Variants in FOXP1 observed in about 807,000 individuals in gnomAD.
The protein encoded by FOXP1 is forkhead box protein P1.
FOXP1 carries 15 observed loss-of-function variants against 98.2 expected under a neutral mutation model. The ratio of observed to expected loss-of-function variants is 0.15; its 90% CI spans 0.10 to 0.24. The LOEUF is 0.24. Ranked by LOEUF, FOXP1 falls within the 10% of genes least tolerant of loss-of-function variation. The pLI, the probability that FOXP1 is intolerant of heterozygous loss-of-function variation, is 1.00. For synonymous variants in FOXP1, 371 were observed against 314.5 expected (o/e 1.18, Z -1.90); for missense variants, 633 against 848.5 (o/e 0.75, Z 3.15).
intron 4 of FOXP1, among the ~76,000 whole-genome samples, chr3:71,341,544 G>A (rs2077007138): frequency 2.0e-5 from 3 of 152,012 alleles, no homozygotes; most frequent in Non-Finnish European, 2.9e-5. Flanking sequence ...AGAGGCGGGT[G>A]GATCACCTGA....
chr3:71,206,074 A>G (rs2064012675), intron 5 of FOXP1, among the ~76,000 whole-genome samples: 1 of 152,230 alleles, frequency 6.6e-6, no homozygotes, highest in South Asian at 2.1e-4. Context: ...AATAATAAAT[A>G]AATACATCTT....
intron 7 of FOXP1, among the ~76,000 whole-genome samples, chr3:71,089,270 C>T (rs2055518956): frequency 6.6e-6 from 1 of 152,166 alleles, no homozygotes; most frequent in African/African-American, 2.4e-5. Flanking sequence ...AGCCAGCTGC[C>T]ACATCACAAG....
rs939845 is a variant in FOXP1, at chr3:71,198,106, A to G, written c.180+96T>C. 101,709 of 1,613,686 alleles carry G rather than the reference A, an allele frequency of 0.063. 5,200 individuals are homozygous for G. Among genetic ancestry groups the G allele is most frequent in the Admixed American group, 0.23 (14,069 of 60,006 alleles). Reference sequence around the variant, plus strand: ...AAGACAGATGGACAGACAGGTGAACACAAAACACTGATCGCGAGATCGCGA... The same window carrying G: ...AAGACAGATGGACAGACAGGTGAACGCAAAACACTGATCGCGAGATCGCGA... On this transcript the variant is annotated intron_variant, in intron 6 of 20. Coordinates refer to ENST00000649528, the MANE Select transcript of FOXP1 (RefSeq NM_001349338.3).
chr3:71,302,804 A>G (rs552453162), intron 4 of FOXP1: 1 of 152,284 alleles, frequency 6.6e-6, no homozygotes, highest in African/African-American at 2.4e-5. Flanking sequence ...ACCTGAAGTT[A>G]CACAGTGACC....
At chr3:71,330,013 A>G (rs1337750674) in intron 4 of FOXP1, among the ~76,000 whole-genome samples, 1 of 152,160 alleles carries the variant, frequency 6.6e-6, no homozygotes, top group Non-Finnish European at 1.5e-5. Context: ...GTTTGAGACT[A>G]GCCTAGGCAA....
At chr3:71,200,083 CAAAA>C (rs61281811) in intron 5 of FOXP1, among the ~76,000 whole-genome samples, 26 of 76,108 alleles carry the variant, frequency 3.4e-4, no homozygotes, top group African/African-American at 2.1e-4. Context: ...CTCCATCTCA[CAAAA>C]AAAAAAAAAA....
chr3:71,447,231 A>G (rs748951471), intron 3 of FOXP1, among the ~76,000 whole-genome samples: 1 of 152,234 alleles, frequency 6.6e-6, no homozygotes, highest in Non-Finnish European at 1.5e-5. Flanking sequence ...GTCTACACCT[A>G]TGTCTACACA....
intron 5 of FOXP1, among the ~76,000 whole-genome samples, chr3:71,272,901 A>G (rs2070518269): frequency 6.6e-6 from 1 of 152,144 alleles, no homozygotes; most frequent in Admixed American, 6.5e-5. Flanking sequence ...ACCTGGAGGC[A>G]ACCATCTCAA....
chr3:71,327,801 A>G (rs1337532394), intron 4 of FOXP1, among the ~76,000 whole-genome samples: 1 of 152,188 alleles, frequency 6.6e-6, no homozygotes, highest in Non-Finnish European at 1.5e-5. Context: ...TTATATCTCA[A>G]TCTCAAAGTA....
chr3:71,477,123 T>C (rs2089917153), intron 3 of FOXP1, among the ~76,000 whole-genome samples: 1 of 152,166 alleles, frequency 6.6e-6, no homozygotes, highest in Non-Finnish European at 1.5e-5. Flanking sequence ...TCCGCCATCT[T>C]TCTTTCTGTA....
At chr3:71,411,279 G>T (rs1398560700) in intron 3 of FOXP1, among the ~76,000 whole-genome samples, 1 of 2,390 alleles carries the variant, frequency 4.2e-4, no homozygotes, top group Non-Finnish European at 4.3e-3. Flanking sequence ...CTGAATGGGC[G>T]TGTGTGTGTG....
At chr3:71,354,541 C>T (rs547076376) in intron 4 of FOXP1, among the ~76,000 whole-genome samples, 10 of 152,308 alleles carry the variant, frequency 6.6e-5, no homozygotes, top group Middle Eastern at 6.8e-3. Flanking sequence ...CAACAGTCAA[C>T]GTGTCAACAA....
intron 7 of FOXP1, among the ~76,000 whole-genome samples, chr3:71,061,149 G>A (rs2051415721): frequency 6.6e-6 from 1 of 152,014 alleles, no homozygotes; most frequent in African/African-American, 2.4e-5. Flanking sequence ...CTTGGTGGGG[G>A]TGGGAGGGAA....
intron 9 of FOXP1, 37 bp from the exon 10 acceptor site, chr3:71,047,132 T>C (rs746696180): frequency 1.2e-6 from 2 of 1,603,884 alleles, no homozygotes; most frequent in Non-Finnish European, 1.7e-6. Flanking sequence ...AGATGGCCAC[T>C]TCCCAAGGAA....
intron 3 of FOXP1, among the ~76,000 whole-genome samples, chr3:71,389,757 TTAA>T (rs1216907432): frequency 1.7e-4 from 26 of 152,198 alleles, no homozygotes; most frequent in African/African-American, 4.6e-4. Context: ...CTTGCATAAT[TTAA>T]TAATAATTGT....
intron 6 of FOXP1, among the ~76,000 whole-genome samples, chr3:71,177,866 G>C (rs2062038160): frequency 8.6e-6 from 1 of 115,962 alleles, no homozygotes; most frequent in Non-Finnish European, 1.7e-5. Context: ...TTTTGAGAAA[G>C]GGTCTCGCTC....
At chr3:71,015,133 A>G (rs1324916021) in intron 12 of FOXP1, among the ~76,000 whole-genome samples, 3 of 151,844 alleles carry the variant, frequency 2.0e-5, no homozygotes, top group Non-Finnish European at 2.9e-5. Flanking sequence ...AACTTAAAGT[A>G]TAATTTAAAA....
intron 5 of FOXP1, among the ~76,000 whole-genome samples, chr3:71,243,077 G>A (rs1052392895): frequency 9.9e-5 from 15 of 152,124 alleles, no homozygotes; most frequent in South Asian, 2.1e-4. Flanking sequence ...ATATCTCCCC[G>A]TCTAATTAAA....
At chr3:71,262,818 A>G (rs1000693685) in intron 5 of FOXP1, among the ~76,000 whole-genome samples, 1 of 152,198 alleles carries the variant, frequency 6.6e-6, no homozygotes, top group African/African-American at 2.4e-5. Flanking sequence ...AGTTTTAGAA[A>G]TAAACCTTTC....
Sources: allele counts gnomAD v4.1 joint callset (sites outside exome capture counted in the v4.1 genomes callset), GRCh38; gene constraint gnomAD v4.1.1; transcripts MANE v1.5; gene names NCBI Gene and HGNC (gene_info 2026-07-23, HGNC 2026-07-21).